Variants in LGR5 observed in about 807,000 individuals in gnomAD.
LGR5 encodes leucine rich repeat containing G protein-coupled receptor 5, also known as leucine-rich repeat-containing G protein-coupled receptor 5.
Under a neutral mutation model 76.7 loss-of-function variants are expected in LGR5, and 54 were observed. The ratio of observed to expected loss-of-function variants is 0.70; its 90% CI spans 0.57 to 0.88. The LOEUF (loss-of-function observed/expected upper bound fraction) is 0.88. Ranked by LOEUF, LGR5 falls within the 40% of genes least tolerant of loss-of-function variation. LGR5 has a pLI of 0.00. For missense variants in LGR5, 1,078 were observed against 1,073.3 expected, an observed-to-expected ratio of 1.00 and a Z score of -0.06; for synonymous variants, 406 against 421.9, an observed-to-expected ratio of 0.96 and a Z score of 0.46.
Position 71,584,416 on chromosome 12 carries a change from G to T in LGR5, c.2406G>T (p.Lys802Asn). The change falls in exon 18 of 18, where the codon AAG (lysine) becomes AAT (asparagine). Residue 802 changes from lysine to asparagine, a missense_variant. Lys to Asn is a moderately conservative substitution (Grantham distance 94). Coordinates refer to ENST00000266674, the MANE Select transcript of LGR5 (RefSeq NM_003667.4). ...NLTFISPEVI[K>N]FILLVVVPLP... ...CATTTATCAGTCCTGAAGTAATTAA[G>T]TTTATCCTTCTGGTGGTAGTCCCAC... 6.2e-7 allele frequency: 1 copy of T among 1,614,006 alleles called. No individual in the cohort carries two copies. The highest frequency in any genetic ancestry group is 8.5e-7 in the Non-Finnish European group (1 of 1,179,914).
At chr12:71,518,317 T>G (rs1038705583) in intron 2 of LGR5, among the ~76,000 whole-genome samples, 1 of 152,108 alleles carries the variant, frequency 6.6e-6, no homozygotes, top group Non-Finnish European at 1.5e-5. Context: ...CTCACACCAG[T>G]CAGAATGCCT....
At chr12:71,471,641 GTT>G (rs71437179) in intron 1 of LGR5, among the ~76,000 whole-genome samples, 10,373 of 142,610 alleles carry the variant, frequency 0.073, 393 homozygotes, top group African/African-American at 0.096. Context: ...AAGCTGTTTT[GTT>G]TTTTTTTTTT....
chr12:71,571,666 G>A, intron 12 of LGR5, 87 bp downstream of exon 12: 1 of 911,670 alleles, frequency 1.1e-6, no homozygotes, highest in Non-Finnish European at 1.8e-6. Flanking sequence ...TTACCCTGTG[G>A]TTCACTGGGG....
chr12:71,574,958 A>G (rs2137463157), intron 13 of LGR5, among the ~76,000 whole-genome samples: 1 of 152,338 alleles, frequency 6.6e-6, no homozygotes, highest in East Asian at 1.9e-4. Flanking sequence ...TTAAAATTTC[A>G]GTAAAACTTC....
Position 71,439,845 on chromosome 12 carries a change from G to T in LGR5, c.-236G>T. 4.0e-6 allele frequency: 2 copies of T among 495,930 alleles called. No individual in the cohort carries two copies. The highest frequency in any genetic ancestry group is 3.6e-5 in the East Asian group (1 of 27,524). 30.7% of individuals were successfully genotyped at this position (495,930 alleles called of 1,614,324 possible). On this transcript the variant is annotated 5_prime_UTR_variant, in exon 1 of 18. Coordinates refer to ENST00000266674, the MANE Select transcript of LGR5 (RefSeq NM_003667.4). The stretch of plus-strand genomic sequence containing the variant: ...AGCAGCAGCAAGGCGCACCGCCACT[G>T]TCGCCGCTGCAGCCAGGGCTGCTCC...
At chr12:71,462,345 T>C (rs987191016) in intron 1 of LGR5, among the ~76,000 whole-genome samples, 2 of 152,180 alleles carry the variant, frequency 1.3e-5, no homozygotes, top group African/African-American at 4.8e-5. Flanking sequence ...AGTGTCTTCA[T>C]TAGCAGATTG....
intron 4 of LGR5, among the ~76,000 whole-genome samples, chr12:71,544,433 A>G (rs547179004): frequency 2.0e-5 from 3 of 150,032 alleles, no homozygotes; most frequent in Admixed American, 2.0e-4. Context: ...CAAAAGCACA[A>G]ATTTCCCATA....
At chr12:71,582,695 A>G (rs1879144562) in intron 17 of LGR5, 156 bp downstream of exon 17, 1 of 578,658 alleles carries the variant, frequency 1.7e-6, no homozygotes, top group Non-Finnish European at 3.1e-6. Flanking sequence ...ACAAATGTTC[A>G]TTCCCTGGAG....
At chr12:71,522,502 T>C (rs374895527) in intron 2 of LGR5, among the ~76,000 whole-genome samples, 4 of 152,242 alleles carry the variant, frequency 2.6e-5, no homozygotes, top group African/African-American at 9.6e-5. Flanking sequence ...TTTCTGACCA[T>C]GTATAGGAAG....
rs182886002 is a variant in LGR5 at position 71,551,550 on chromosome 12, A to G, written c.429-1523A>G. ...GTGTGCGTCTTAAAAGCAGATTGGG[A>G]AAAAAAACAAGTGAGAGCTGTTGGA... On this transcript the variant is annotated intron_variant, in intron 4 of 17. Coordinates refer to ENST00000266674, the MANE Select transcript of LGR5 (RefSeq NM_003667.4). Among the ~76,000 whole-genome samples the G allele has an allele frequency of 2.4e-4, 37 of 152,154 alleles. No homozygotes were observed. The East Asian group carries it at 7.1e-3, about 29-fold the overall frequency.
At chr12:71,567,104 A>C in intron 11 of LGR5, 192 bp downstream of exon 11, 1 of 576,144 alleles carries the variant, frequency 1.7e-6, no homozygotes, top group Non-Finnish European at 3.1e-6. Flanking sequence ...ATGGTAATGT[A>C]CCCTTTGTTT....
At chr12:71,575,718 ATATATGTGTG>A (rs1878817759) in intron 13 of LGR5, among the ~76,000 whole-genome samples, 1 of 117,210 alleles carries the variant, frequency 8.5e-6, no homozygotes, top group African/African-American at 5.1e-5. Context: ...CTCAAAAAAT[ATATATGTGTG>A]TGTGTGTGTG....
intron 1 of LGR5, among the ~76,000 whole-genome samples, chr12:71,492,526 A>G (rs1217322163): frequency 6.6e-6 from 1 of 152,220 alleles, no homozygotes; most frequent in Non-Finnish European, 1.5e-5. Flanking sequence ...AACACTGTGT[A>G]TACATGACTC....
At chr12:71,450,097 G>T (rs923248338) in intron 1 of LGR5, among the ~76,000 whole-genome samples, 8 of 152,148 alleles carry the variant, frequency 5.3e-5, no homozygotes, top group Non-Finnish European at 1.5e-5. Flanking sequence ...TTCATAAGGG[G>T]TTAATGACAT....
intron 11 of LGR5, among the ~76,000 whole-genome samples, chr12:71,570,974 T>C (rs978420205): frequency 1.3e-5 from 2 of 152,228 alleles, no homozygotes; most frequent in African/African-American, 2.4e-5. Flanking sequence ...TATATTATAC[T>C]ATAAATATGT....
chr12:71,464,043 T>C (rs1178079167), intron 1 of LGR5, among the ~76,000 whole-genome samples: 1 of 152,174 alleles, frequency 6.6e-6, no homozygotes, highest in African/African-American at 2.4e-5. Flanking sequence ...TGCAAAAATA[T>C]GTTATTGTAG....
chr12:71,542,801 C>T (rs1394992236), intron 4 of LGR5, among the ~76,000 whole-genome samples: 1 of 151,670 alleles, frequency 6.6e-6, no homozygotes, highest in African/African-American at 2.4e-5. Context: ...TGGTCTTGAG[C>T]ACTTGTGTTT....
chr12:71,572,485 G>GA (rs1565771655), intron 12 of LGR5, among the ~76,000 whole-genome samples: 2 of 151,916 alleles, frequency 1.3e-5, no homozygotes, highest in Admixed American at 6.6e-5. Flanking sequence ...GTGCTTAAGG[G>GA]AAAAAAACAA....
chr12:71,585,912 G>T lies in LGR5; in HGVS notation c.*1178G>T, dbSNP rs1293990175. On this transcript the variant is annotated 3_prime_UTR_variant, in exon 18 of 18. Coordinates refer to ENST00000266674, the MANE Select transcript of LGR5 (RefSeq NM_003667.4). ...AAGTTATTAAATAAGAAAAGTCAAA[G>T]TATTAATTCTTACCTTCTATTATCC... 1 of 152,154 alleles carries T rather than the reference G, an allele frequency of 6.6e-6. No homozygotes were observed. Among genetic ancestry groups the T allele is most frequent in the East Asian group, 1.9e-4 (1 of 5,196 alleles). The allele number at this position is 152,154 out of a possible 1,614,324, so 9.4% of individuals were successfully genotyped here. A position where few individuals can be genotyped will look rare whatever the true frequency, so the allele number is the denominator to read the frequency against.
Sources: gnomAD v4.1 joint callset for allele counts (sites outside exome capture counted in the v4.1 genomes callset) on GRCh38, gnomAD v4.1.1 for gene constraint, MANE v1.5 for transcripts, NCBI Gene and HGNC (gene_info 2026-07-23, HGNC 2026-07-21) for gene names.